MTHFD1L: variants seen among roughly 807,000 people sequenced by gnomAD.
MTHFD1L encodes the protein monofunctional C1-tetrahydrofolate synthase, mitochondrial.
In MTHFD1L, 81 loss-of-function variants were observed where a neutral mutation model predicts 119.5. The ratio of observed to expected loss-of-function variants is 0.68; its 90% CI spans 0.57 to 0.82. MTHFD1L has a LOEUF of 0.82. MTHFD1L is among the 40% of genes least tolerant of loss of function. MTHFD1L has a pLI of 0.00. For synonymous variants in MTHFD1L, 430 were observed against 475.2 expected, an observed-to-expected ratio of 0.90 and a Z score of 1.24; for missense variants, 1,125 against 1,253.4, an observed-to-expected ratio of 0.90 and a Z score of 1.55.
chr6:150,985,925 C>T (rs1005688688), intron 20 of MTHFD1L, among the ~76,000 whole-genome samples: 3 of 152,006 alleles, frequency 2.0e-5, no homozygotes, highest in African/African-American at 7.2e-5. Context: ...TCTTCGGTGG[C>T]ATTAAACATT....
chr6:150,907,210 C>G (rs540563030), intron 8 of MTHFD1L, among the ~76,000 whole-genome samples: 13 of 152,182 alleles, frequency 8.5e-5, no homozygotes. Flanking sequence ...AGATAGGAGT[C>G]TACTTTGATG....
At chr6:150,945,916 A>G (rs1332056897) in intron 15 of MTHFD1L, among the ~76,000 whole-genome samples, 2 of 152,110 alleles carry the variant, frequency 1.3e-5, no homozygotes, top group African/African-American at 2.4e-5. Flanking sequence ...GGTTTGCTTG[A>G]GCCAAGGAGT....
chr6:150,960,501 C>A (rs1583812165), intron 18 of MTHFD1L, 86 bp downstream of exon 18: 4 of 1,485,014 alleles, frequency 2.7e-6, no homozygotes, highest in Non-Finnish European at 3.6e-6. Context: ...TTCCTTTTAT[C>A]AGTGAGTGTA....
chr6:151,000,597 G>A (rs1319182902), intron 20 of MTHFD1L, among the ~76,000 whole-genome samples: 1 of 152,168 alleles, frequency 6.6e-6, no homozygotes, highest in African/African-American at 2.4e-5. Flanking sequence ...TTTTTAAGCT[G>A]CAGTAATAAT....
At chr6:151,060,289 C>T (rs1790465972) in intron 26 of MTHFD1L, among the ~76,000 whole-genome samples, 1 of 152,174 alleles carries the variant, frequency 6.6e-6, no homozygotes, top group Non-Finnish European at 1.5e-5. Flanking sequence ...TTCATTAGGC[C>T]ATTCTAGCTT....
chr6:150,979,410 G>C (rs1048180199), intron 20 of MTHFD1L, among the ~76,000 whole-genome samples: 5 of 152,120 alleles, frequency 3.3e-5, no homozygotes, highest in Non-Finnish European at 7.3e-5. Flanking sequence ...TTCCTCCCAA[G>C]TAGGTTACTG....
intron 13 of MTHFD1L, among the ~76,000 whole-genome samples, chr6:150,940,378 G>A (rs1207298184): frequency 2.0e-5 from 3 of 152,024 alleles, no homozygotes; most frequent in Admixed American, 6.6e-5. Context: ...GAAAAAAATC[G>A]TCCCAGGCCT....
At chr6:150,936,999 A>G (rs988548614) in intron 12 of MTHFD1L, 59 bp downstream of exon 12, 1 of 1,579,694 alleles carries the variant, frequency 6.3e-7, no homozygotes, top group African/African-American at 1.3e-5. Context: ...GAGAATTGTA[A>G]AAAGAACATT....
At chr6:150,938,267 C>T (rs1042322558) in intron 12 of MTHFD1L, among the ~76,000 whole-genome samples, 1 of 152,222 alleles carries the variant, frequency 6.6e-6, no homozygotes, top group Non-Finnish European at 1.5e-5. Flanking sequence ...ATCCGCCTGC[C>T]TCAGCCTCCC....
At chr6:150,948,965 A>T in intron 15 of MTHFD1L, 66 bp from the exon 16 acceptor site, 1 of 1,312,172 alleles carries the variant, frequency 7.6e-7, no homozygotes, top group Non-Finnish European at 1.1e-6. Flanking sequence ...TAGAGGGATA[A>T]TTTTGGTGAC....
At position 151,003,863 on chromosome 6, in the gene MTHFD1L, G is replaced by A. The variant is rs548364059; in HGVS notation, c.2126-5956G>A. On this transcript the variant is annotated intron_variant, in intron 20 of 27. Transcript: ENST00000367321. Reference sequence around the variant, plus strand: ...CCGGGGGCACCACACTGGGCTTTGTGTCATTATCTCCAGAAAGTAACTGGC... The same window carrying A: ...CCGGGGGCACCACACTGGGCTTTGTATCATTATCTCCAGAAAGTAACTGGC... Among the ~76,000 whole-genome samples, 3 of 152,242 alleles carry A rather than the reference G, an allele frequency of 2.0e-5. No homozygotes were observed. In the South Asian group the frequency reaches 6.2e-4, roughly 32 times the overall value.
chr6:150,866,129 T>C, intron 1 of MTHFD1L, 80 bp downstream of exon 1: 1 of 1,437,024 alleles, frequency 7.0e-7, no homozygotes, highest in Non-Finnish European at 9.1e-7. Context: ...GGGACCGCCG[T>C]GGGGAGCGGG....
chr6:151,061,723 G>A (rs374610478), intron 26 of MTHFD1L, among the ~76,000 whole-genome samples: 5 of 152,132 alleles, frequency 3.3e-5, no homozygotes, highest in Non-Finnish European at 5.9e-5. Context: ...GCCCCTCAAA[G>A]GGTCATTAAA....
chr6:151,003,664 A>G (rs890515645), intron 20 of MTHFD1L, among the ~76,000 whole-genome samples: 1 of 152,200 alleles, frequency 6.6e-6, no homozygotes, highest in Non-Finnish European at 1.5e-5. Context: ...TGGCACACAG[A>G]TGATTGTGTG....
At chr6:150,920,204 G>A (rs1260029569) in intron 9 of MTHFD1L, among the ~76,000 whole-genome samples, 1 of 152,212 alleles carries the variant, frequency 6.6e-6, no homozygotes, top group East Asian at 1.9e-4. Context: ...GTTAGAAGTA[G>A]ATCACTAAGT....
intron 8 of MTHFD1L, 98 bp downstream of exon 8, chr6:150,905,859 C>A: frequency 2.2e-6 from 2 of 922,864 alleles, no homozygotes; most frequent in Non-Finnish European, 1.7e-6. Context: ...GAAATGTTAG[C>A]AGTCGTCAAC....
chr6:151,037,624 G>T (rs1268176493), intron 26 of MTHFD1L, among the ~76,000 whole-genome samples: 2 of 152,152 alleles, frequency 1.3e-5, no homozygotes, highest in Non-Finnish European at 2.9e-5. Flanking sequence ...TCTCATTTTT[G>T]ATGTTGTTGT....
chr6:151,018,149 T>C (rs2128496752), intron 24 of MTHFD1L, among the ~76,000 whole-genome samples: 1 of 152,184 alleles, frequency 6.6e-6, no homozygotes, highest in Non-Finnish European at 1.5e-5. Flanking sequence ...TCTTCAGGGG[T>C]AGTGCATGAT....
At chr6:150,991,560 AG>A (rs1322019102) in intron 20 of MTHFD1L, among the ~76,000 whole-genome samples, 2 of 152,204 alleles carry the variant, frequency 1.3e-5, no homozygotes, top group Non-Finnish European at 2.9e-5. Context: ...CTTTTGTAGT[AG>A]TTTTTTTTAT....
Sources: allele counts gnomAD v4.1 joint callset (sites outside exome capture counted in the v4.1 genomes callset), GRCh38; gene constraint gnomAD v4.1.1; transcripts MANE v1.5; gene names NCBI Gene and HGNC (gene_info 2026-07-23, HGNC 2026-07-21).